The following TMOD3 variants were observed in gnomAD, a reference collection of about 807,000 sequenced individuals.
TMOD3 encodes the protein tropomodulin-3.
A neutral mutation model predicts 39.2 loss-of-function variants in TMOD3; 20 were observed. The ratio of observed to expected loss-of-function variants is 0.51; its 90% CI spans 0.36 to 0.74. The LOEUF is 0.74. TMOD3 is among the 30% of genes least tolerant of loss of function. The pLI is 0.00. For synonymous variants in TMOD3, 143 were observed against 145.8 expected (o/e 0.98, Z 0.14); for missense variants, 381 against 412.8 (o/e 0.92, Z 0.67).
intron 1 of TMOD3, chr15:51,833,128 A>G (rs538726830): frequency 1.6e-4 from 24 of 152,384 alleles, no homozygotes; most frequent in African/African-American, 5.5e-4. Context: ...TTAAGTGCTT[A>G]TTTAAATTGT....
chr15:51,847,654 C>A (rs2056342368), intron 1 of TMOD3, among the ~76,000 whole-genome samples: 1 of 152,112 alleles, frequency 6.6e-6, no homozygotes, highest in Non-Finnish European at 1.5e-5. Context: ...CATGGTGGCT[C>A]ACGTTTATAA....
At chr15:51,875,611 C>CTTTTT (rs34898032) in intron 3 of TMOD3, among the ~76,000 whole-genome samples, 5 of 116,100 alleles carry the variant, frequency 4.3e-5, no homozygotes, top group Non-Finnish European at 6.8e-5. Flanking sequence ...AAAGTACTGC[C>CTTTTT]TTTTTTTTTT....
At position 51,906,275 on chromosome 15, in the gene TMOD3, T is replaced by C. The variant is rs181546435; in HGVS notation, c.1025-2501T>C. 8.9e-4 allele frequency among the ~76,000 whole-genome samples: 135 copies of C among 152,346 alleles called. 1 individual carries two copies. The highest frequency in any genetic ancestry group is 3.4e-3 in the Middle Eastern group (1 of 294). ...ACATATTGGTCTCAGCAGCCTGATA[T>C]GTACTAACTCAAAAGAGATAATCAA... is the stretch of plus-strand genomic sequence containing the variant. On this transcript the variant is annotated intron_variant, in intron 9 of 9. Coordinates refer to ENST00000308580, the MANE Select transcript of TMOD3 (RefSeq NM_014547.5).
intron 1 of TMOD3, among the ~76,000 whole-genome samples, chr15:51,848,842 G>T (rs1368448314): frequency 2.6e-5 from 4 of 152,226 alleles, no homozygotes; most frequent in Non-Finnish European, 5.9e-5. Flanking sequence ...ACTGTAATAA[G>T]GGAGAGCAAT....
At chr15:51,838,938 C>T (rs1595889363) in intron 1 of TMOD3, among the ~76,000 whole-genome samples, 1 of 152,018 alleles carries the variant, frequency 6.6e-6, no homozygotes, top group Non-Finnish European at 1.5e-5. Context: ...GAGTGGTGAC[C>T]CCTGTACCAA....
chr15:51,850,671 AT>A (rs1364247011), intron 1 of TMOD3, among the ~76,000 whole-genome samples: 3 of 152,110 alleles, frequency 2.0e-5, no homozygotes, highest in African/African-American at 7.2e-5. Flanking sequence ...CAGTTCATGT[AT>A]TTTTTCTCCA....
chr15:51,885,758 C>G (rs1329076519), intron 3 of TMOD3, among the ~76,000 whole-genome samples: 1 of 152,226 alleles, frequency 6.6e-6, no homozygotes, highest in Non-Finnish European at 1.5e-5. Flanking sequence ...TTGTATTCGA[C>G]AAAACCGCCA....
intron 3 of TMOD3, among the ~76,000 whole-genome samples, chr15:51,875,815 T>A (rs922617410): frequency 3.3e-5 from 5 of 152,166 alleles, no homozygotes; most frequent in Admixed American, 3.3e-4. Context: ...AGACAGGGTT[T>A]CACTGTGTTA....
intron 3 of TMOD3, among the ~76,000 whole-genome samples, chr15:51,880,662 T>G (rs2056528142): frequency 1.3e-5 from 2 of 152,248 alleles, no homozygotes; most frequent in African/African-American, 4.8e-5. Context: ...GTGTCAATAC[T>G]TCATTCTTTT....
intron 3 of TMOD3, among the ~76,000 whole-genome samples, chr15:51,870,185 C>CA (rs1209663755): frequency 5.3e-5 from 8 of 152,140 alleles, no homozygotes; most frequent in African/African-American, 1.7e-4. Context: ...GTGATCCACC[C>CA]ACCTAGGCCT....
chr15:51,876,421 C>A (rs554688734), intron 3 of TMOD3, among the ~76,000 whole-genome samples: 1 of 151,652 alleles, frequency 6.6e-6, no homozygotes, highest in Admixed American at 6.6e-5. Context: ...ACCTCAGCCC[C>A]CTGAGTACCT....
chr15:51,879,514 G>A (rs188043280), intron 3 of TMOD3, among the ~76,000 whole-genome samples: 135 of 151,700 alleles, frequency 8.9e-4, no homozygotes, highest in African/African-American at 3.1e-3. Context: ...AGGTAAAAAT[G>A]TTTTCTTAGA....
chr15:51,830,841 G>A (rs1402055993), intron 1 of TMOD3, among the ~76,000 whole-genome samples: 2 of 152,082 alleles, frequency 1.3e-5, no homozygotes, highest in Non-Finnish European at 2.9e-5. Flanking sequence ...ATTTACTCTT[G>A]CTAGTTTCTT....
At chr15:51,900,885 AAAGT>A (rs1353963379) in intron 8 of TMOD3, 3 of 152,192 alleles carry the variant, frequency 2.0e-5, no homozygotes, top group Non-Finnish European at 4.4e-5. Flanking sequence ...TCATTTTCTT[AAAGT>A]ATACAGCTAA....
chr15:51,866,652 AC>A (rs1340436618), intron 2 of TMOD3, among the ~76,000 whole-genome samples: 1 of 152,196 alleles, frequency 6.6e-6, no homozygotes, highest in Non-Finnish European at 1.5e-5. Context: ...AGCAATATAT[AC>A]ATCTATGCAT....
rs916583507 is a variant in TMOD3, at chr15:51,911,396, T to C, written c.*2586T>C. Reference sequence around the variant, plus strand: ...TGATTTCTTCATAAGTGACATTAAATATGAACATTCATCCAATTGAATTTA... The same window carrying C: ...TGATTTCTTCATAAGTGACATTAAACATGAACATTCATCCAATTGAATTTA... On this transcript the variant is annotated 3_prime_UTR_variant, in exon 10 of 10. Coordinates refer to ENST00000308580, the MANE Select transcript of TMOD3 (RefSeq NM_014547.5). 6.6e-6 allele frequency: 1 copy of C among 152,222 alleles called. No homozygotes were observed. Among genetic ancestry groups the C allele is most frequent in the African/African-American group, 2.4e-5 (1 of 41,456 alleles). 9.4% of individuals were successfully genotyped at this position (152,222 alleles called of 1,614,324 possible).
chr15:51,891,106 A>C (rs1379146974), intron 5 of TMOD3, among the ~76,000 whole-genome samples: 1 of 152,192 alleles, frequency 6.6e-6, no homozygotes, highest in Non-Finnish European at 1.5e-5. Flanking sequence ...TGTAATACCC[A>C]GTCTGTGTCC....
intron 2 of TMOD3, 93 bp from the exon 3 acceptor site, chr15:51,869,124 A>G: frequency 1.4e-6 from 2 of 1,379,716 alleles, no homozygotes; most frequent in Non-Finnish European, 2.0e-6. Context: ...ATCACATTCC[A>G]GTCTGTAATT....
chr15:51,884,135 T>C (rs1228221147), intron 3 of TMOD3, among the ~76,000 whole-genome samples: 1 of 152,252 alleles, frequency 6.6e-6, no homozygotes, highest in South Asian at 2.1e-4. Flanking sequence ...CTTAAGAGTT[T>C]GGCAACCTGT....
Sources: allele counts gnomAD v4.1 joint callset (sites outside exome capture counted in the v4.1 genomes callset), GRCh38; gene constraint gnomAD v4.1.1; transcripts MANE v1.5; gene names NCBI Gene and HGNC (gene_info 2026-07-23, HGNC 2026-07-21).